ENOPH1: variants seen among roughly 807,000 people sequenced by gnomAD.
ENOPH1 encodes enolase-phosphatase E1.
In ENOPH1, 14 loss-of-function variants were observed where a neutral mutation model predicts 31.1. That is an observed-to-expected ratio of 0.45 (90% confidence interval 0.30 to 0.70). The LOEUF (loss-of-function observed/expected upper bound fraction) is 0.70, where lower values mean the gene tolerates loss of function less well. Among genes scored for constraint, ENOPH1 ranks in the 30% least tolerant of loss-of-function variants. ENOPH1 has a pLI of 0.09. For synonymous variants in ENOPH1, 127 were observed against 123.2 expected, an observed-to-expected ratio of 1.03 and a Z score of -0.21; for missense variants, 243 against 321.5, an observed-to-expected ratio of 0.76 and a Z score of 1.87.
Position 82,448,007 on chromosome 4 carries a change from C to T in ENOPH1, c.172C>T (p.Leu58Phe). The T allele has an allele frequency of 1.2e-6, 2 of 1,610,682 alleles. No individual in the cohort carries two copies. Among genetic ancestry groups the T allele is most frequent in the Non-Finnish European group, 1.7e-6 (2 of 1,177,352 alleles). The change falls in exon 2 of 6, where the codon CTT becomes TTT. Residue 58 changes from leucine to phenylalanine, a missense_variant. Transcript: ENST00000273920. ...EEEECQQDVS[L>F]LRKQAEEDAH... ...AGAGGAGTGCCAGCAGGATGTCAGT[C>T]TTTTGAGGAAACAGGTTGGGACATT...
At position 82,430,730 on chromosome 4, in the gene ENOPH1, C is replaced by A. The variant is rs1041150631; in HGVS notation, c.-100C>A. ...CGCTGGCTCCGAGATCGCGCGGGGC[C>A]GCCGGAAGCCCAAGACGGTACCGGG... is the stretch of plus-strand genomic sequence containing the variant. On this transcript the variant is annotated 5_prime_UTR_variant, in exon 1 of 6. Transcript: ENST00000273920. 4 of 1,126,318 alleles carry A rather than the reference C, an allele frequency of 3.6e-6. No individual in the cohort carries two copies. Among genetic ancestry groups the A allele is most frequent in the South Asian group, 1.3e-5 (1 of 76,288 alleles). The allele number at this position is 1,126,318 out of a possible 1,614,324, so 69.8% of individuals were successfully genotyped here. A position where few individuals can be genotyped will look rare whatever the true frequency, so the allele number is the denominator to read the frequency against.
chr4:82,448,840 C>T (rs911340698), intron 2 of ENOPH1, among the ~76,000 whole-genome samples: 4 of 151,130 alleles, frequency 2.6e-5, no homozygotes, highest in Non-Finnish European at 4.4e-5. Context: ...GGGCGGATCA[C>T]GAGGTCAGGA....
At chr4:82,459,594 C>T (rs1329961607) in intron 5 of ENOPH1, among the ~76,000 whole-genome samples, 1 of 151,992 alleles carries the variant, frequency 6.6e-6, no homozygotes, top group Non-Finnish European at 1.5e-5. Flanking sequence ...ATTCGTGTTA[C>T]CAACAGCTTG....
intron 3 of ENOPH1, among the ~76,000 whole-genome samples, chr4:82,453,262 T>C (rs147248988): frequency 1.7e-3 from 252 of 152,346 alleles, no homozygotes; most frequent in Non-Finnish European, 2.9e-3. Context: ...CAAGATTGTT[T>C]CCAGCTGCAT....
In ENOPH1 at chr4:82,448,507, C is replaced by A. The variant is rs190168542; in HGVS notation, c.186+486C>A. Among the ~76,000 whole-genome samples, 1,293 of 151,948 alleles carry A rather than the reference C, an allele frequency of 8.5e-3. 17 individuals carry two copies. Among genetic ancestry groups the A allele is most frequent in the Non-Finnish European group, 0.013 (903 of 67,932 alleles). ...GAACTCCTGATTTCAAGTGATCTAC[C>A]CTCCTCGGCCTCCCAAAGTGCTGGG... On this transcript the variant is annotated intron_variant, in intron 2 of 5. Transcript: ENST00000273920.
intron 4 of ENOPH1, 56 bp downstream of exon 4, chr4:82,454,910 A>G (rs1722443821): frequency 6.5e-7 from 1 of 1,528,520 alleles, no homozygotes; most frequent in African/African-American, 1.4e-5. Flanking sequence ...AAAATAATGA[A>G]TCTTAATGGA....
chr4:82,450,749 G>C (rs1378445742), intron 2 of ENOPH1, among the ~76,000 whole-genome samples: 2 of 152,182 alleles, frequency 1.3e-5, no homozygotes, highest in Admixed American at 6.5e-5. Flanking sequence ...GATCCCAGTA[G>C]TGAATCAACA....
At chr4:82,451,953 G>C (rs1409861839) in intron 3 of ENOPH1, among the ~76,000 whole-genome samples, 3 of 148,644 alleles carry the variant, frequency 2.0e-5, no homozygotes, top group African/African-American at 5.0e-5. Context: ...GCTAGTTTTT[G>C]TATTTTTAGT....
intron 3 of ENOPH1, 57 bp from the exon 4 acceptor site, chr4:82,454,664 GT>G: frequency 6.4e-7 from 1 of 1,570,152 alleles, no homozygotes; most frequent in Non-Finnish European, 8.6e-7. Context: ...GTTTTGACAG[GT>G]TTTTATCTGG....
intron 1 of ENOPH1, among the ~76,000 whole-genome samples, chr4:82,438,622 C>T (rs1279178880): frequency 6.6e-6 from 1 of 152,186 alleles, no homozygotes; most frequent in East Asian, 1.9e-4. Flanking sequence ...CACTGCACTG[C>T]ATGCAGCCTG....
rs972637611 is a variant in ENOPH1 at position 82,430,679 on chromosome 4, C to A, written c.-151C>A. On this transcript the variant is annotated 5_prime_UTR_variant, in exon 1 of 6. Coordinates refer to ENST00000273920, the MANE Select transcript of ENOPH1 (RefSeq NM_021204.5). ...TCCAGGTGTGCAGAAGTGTCCTCTCCCCACGCGCGGCGGGCTGCACTTGGT... is the reference window on the plus strand; with the variant it reads ...TCCAGGTGTGCAGAAGTGTCCTCTCACCACGCGCGGCGGGCTGCACTTGGT... 2 of 652,860 alleles carry A rather than the reference C, an allele frequency of 3.1e-6. No homozygotes were observed. The highest frequency in any genetic ancestry group is 5.3e-6 in the Non-Finnish European group (2 of 377,092). 40.4% of individuals were successfully genotyped at this position (652,860 alleles called of 1,614,324 possible). A position where few individuals can be genotyped will look rare whatever the true frequency, so the allele number is the denominator to read the frequency against.
intron 1 of ENOPH1, among the ~76,000 whole-genome samples, chr4:82,431,727 C>T (rs1005482905): frequency 2.0e-5 from 3 of 152,058 alleles, no homozygotes; most frequent in African/African-American, 2.4e-5. Flanking sequence ...TTTTATTTGG[C>T]TCCCTGAGGT....
At chr4:82,446,440 A>ATTT (rs1722185347) in intron 1 of ENOPH1, among the ~76,000 whole-genome samples, 1 of 151,862 alleles carries the variant, frequency 6.6e-6, no homozygotes, top group East Asian at 1.9e-4. Context: ...AAAAGAACAT[A>ATTT]TTAAGTGGTA....
At chr4:82,457,910 T>C (rs1453148695) in intron 5 of ENOPH1, among the ~76,000 whole-genome samples, 6 of 152,270 alleles carry the variant, frequency 3.9e-5, no homozygotes, top group African/African-American at 1.2e-4. Flanking sequence ...CAGATCTTTC[T>C]CTTCTCATTT....
chr4:82,448,786 C>T (rs1480438801), intron 2 of ENOPH1, among the ~76,000 whole-genome samples: 3 of 151,584 alleles, frequency 2.0e-5, no homozygotes, highest in African/African-American at 4.8e-5. Flanking sequence ...AGGCCGGGCG[C>T]GGTGGCTCAC....
chr4:82,436,892 T>G (rs1721918863), intron 1 of ENOPH1, among the ~76,000 whole-genome samples: 1 of 152,026 alleles, frequency 6.6e-6, no homozygotes, highest in African/African-American at 2.4e-5. Context: ...ACAGAATATG[T>G]CATCGTCGTC....
At chr4:82,458,137 C>T (rs558993936) in intron 5 of ENOPH1, among the ~76,000 whole-genome samples, 2 of 152,156 alleles carry the variant, frequency 1.3e-5, no homozygotes, top group African/African-American at 4.8e-5. Context: ...CCTGCTTGCT[C>T]TTTTCTCTCT....
intron 3 of ENOPH1, 70 bp downstream of exon 3, chr4:82,451,315 C>CT: frequency 1.4e-6 from 2 of 1,439,650 alleles, no homozygotes; most frequent in South Asian, 2.4e-5. Context: ...CCAGTCCTCT[C>CT]TTTCCAGCGT....
intron 5 of ENOPH1, among the ~76,000 whole-genome samples, chr4:82,457,329 T>C (rs1394585834): frequency 6.6e-6 from 1 of 151,988 alleles, no homozygotes; most frequent in African/African-American, 2.4e-5. Flanking sequence ...TGGGCAACAA[T>C]GTAAGACCTC....
Sources: allele counts gnomAD v4.1 joint callset (sites outside exome capture counted in the v4.1 genomes callset), GRCh38; gene constraint gnomAD v4.1.1; transcripts MANE v1.5; gene names NCBI Gene and HGNC (gene_info 2026-07-23, HGNC 2026-07-21).